STMN1: variants seen among roughly 807,000 people sequenced by gnomAD.
STMN1 encodes the protein stathmin.
Under a neutral mutation model 19.7 loss-of-function variants are expected in STMN1, and 3 were observed. The observed-to-expected ratio is 0.15, with a 90% confidence interval of 0.07 to 0.39. The LOEUF is 0.39. Ranked by LOEUF, STMN1 falls within the 10% of genes least tolerant of loss-of-function variation. STMN1 has a pLI of 1.00. For missense variants in STMN1, 99 were observed against 176.0 expected (o/e 0.56, Z 2.48); for synonymous variants, 59 against 58.9 (o/e 1.00, Z -0.01).
At chr1:25,901,871 G>A (rs1046970135) in intron 3 of STMN1, 189 bp from the exon 4 acceptor site, 23 of 384,438 alleles carry the variant, frequency 6.0e-5, no homozygotes, top group African/African-American at 8.4e-5. Context: ...TTAGCCGGGC[G>A]TGGTGGCGGG....
intron 4 of STMN1, among the ~76,000 whole-genome samples, chr1:25,889,832 G>A (rs912832139): frequency 6.6e-6 from 1 of 152,108 alleles, no homozygotes; most frequent in African/African-American, 2.4e-5. Context: ...GGGTCCCCTT[G>A]CCCACCTCAT....
chr1:25,891,745 C>G (rs904832167), intron 4 of STMN1, among the ~76,000 whole-genome samples: 47 of 152,256 alleles, frequency 3.1e-4, no homozygotes, highest in African/African-American at 1.1e-3. Context: ...GGCTGTGAGC[C>G]CCCTGCTCTC....
Position 25,901,597 on chromosome 1 carries a change from T to C in STMN1, c.272A>G (p.Asn91Ser). 6.2e-7 allele frequency: 1 copy of C among 1,614,222 alleles called. No individual in the cohort carries two copies. The highest frequency in any genetic ancestry group is 8.5e-7 in the Non-Finnish European group (1 of 1,180,020). ...EVLQKAIEEN[N>S]NFSKMAEEKL... ...CTCTTCTGCCATTTTACTGAAGTTG[T>C]TGTTCTCTTCTATTGCCTTCTGAAG... Residue 91 changes from asparagine (N) to serine (S), a missense_variant, in exon 4 of 5, where the codon AAC (asparagine) becomes AGC (serine). By Grantham distance (46) the Asn-to-Ser change is conservative (BLOSUM62 1). Around this residue, in one of 3 missense-constraint regions of STMN1, gnomAD observed 54 missense variants for 79.4 expected, o/e 0.68. Transcript: ENST00000455785.
chr1:25,886,826 T>A (rs1312789732), intron 4 of STMN1, among the ~76,000 whole-genome samples: 1 of 152,100 alleles, frequency 6.6e-6, no homozygotes, highest in Non-Finnish European at 1.5e-5. Flanking sequence ...GAACTCGTGA[T>A]CTGCCTGCCT....
chr1:25,893,131 G>A (rs1192690045), intron 4 of STMN1, among the ~76,000 whole-genome samples: 1 of 152,056 alleles, frequency 6.6e-6, no homozygotes, highest in Admixed American at 6.6e-5. Context: ...ACTACAATTT[G>A]TTTAAATTGA....
intron 1 of STMN1, chr1:25,904,939 GA>G: frequency 2.6e-6 from 1 of 388,930 alleles, no homozygotes; most frequent in South Asian, 7.3e-5. Flanking sequence ...ATTGGTTCCA[GA>G]AAATCAAGTT....
chr1:25,893,038 C>T (rs551259811), intron 4 of STMN1, among the ~76,000 whole-genome samples: 2 of 152,154 alleles, frequency 1.3e-5, no homozygotes, highest in South Asian at 2.1e-4. Context: ...CTAGTGGTTA[C>T]ACAATATTGT....
At chr1:25,905,314 A>G (rs557600497) in intron 1 of STMN1, 1 of 152,382 alleles carries the variant, frequency 6.6e-6, no homozygotes, top group South Asian at 2.1e-4. Flanking sequence ...TATGTCATGA[A>G]AAATGCTGTA....
In STMN1 at chr1:25,900,510, C is replaced by G. The variant is rs1217757672; in HGVS notation, c.*506G>C. The stretch of plus-strand genomic sequence containing the variant: ...AGGCCCCATCTGGAACAAGTATCAA[C>G]CAGGAGGGGCTCTATGGCTTGATTT... On this transcript the variant is annotated 3_prime_UTR_variant, in exon 5 of 5. Transcript: ENST00000455785. 1.0e-6 allele frequency: 1 copy of G among 985,764 alleles called. No homozygotes were observed. Among genetic ancestry groups the G allele is most frequent in the Non-Finnish European group, 1.2e-6 (1 of 830,014 alleles). The allele number at this position is 985,764 out of a possible 1,614,324, so 61.1% of individuals were successfully genotyped here. A position where few individuals can be genotyped will look rare whatever the true frequency, so the allele number is the denominator to read the frequency against.
rs113527425 is a variant in STMN1 at position 25,904,187 on chromosome 1, C to T, written c.14-374G>A. ...TTTTGATTAGGTGGGTGTGGTGGCC[C>T]ATGTCGATAGTCCCAGATGCTATGG... On this transcript the variant is annotated intron_variant, in intron 2 of 4. Coordinates refer to ENST00000455785, the MANE Select transcript of STMN1 (RefSeq NM_005563.4). Among the ~76,000 whole-genome samples, 127 of 152,180 alleles carry T rather than the reference C, an allele frequency of 8.3e-4. 1 individual carries two copies. The highest frequency in any genetic ancestry group is 2.9e-3 in the African/African-American group (122 of 41,526).
chr1:25,904,557 T>C, intron 2 of STMN1, 107 bp downstream of exon 2: 2 of 956,678 alleles, frequency 2.1e-6, no homozygotes, highest in Non-Finnish European at 3.3e-6. Flanking sequence ...AAATAGGTTT[T>C]GGTAAGACCA....
At chr1:25,901,911 G>C (rs554772473) in intron 3 of STMN1, 2 of 315,596 alleles carry the variant, frequency 6.3e-6, no homozygotes, top group Admixed American at 9.9e-5. Flanking sequence ...TTGGGAGGCT[G>C]AGGCAGAAGA....
chr1:25,901,558 T>G lies in STMN1; in HGVS notation c.311A>C (p.Lys104Thr). 2 of 1,614,066 alleles carry G rather than the reference T, an allele frequency of 1.2e-6. No individual in the cohort carries two copies. Among genetic ancestry groups the G allele is most frequent in the Non-Finnish European group, 1.7e-6 (2 of 1,179,974 alleles). Residue 104 changes from lysine to threonine, a missense_variant, in exon 4 of 5, where the codon AAA (lysine) becomes ACA (threonine). By Grantham distance (78) the Lys-to-Thr change is moderately conservative. Coordinates refer to ENST00000455785, the MANE Select transcript of STMN1 (RefSeq NM_005563.4). Reference protein sequence around the residue: ...SKMAEEKLTHKMEANKENREA... With the variant: ...SKMAEEKLTHTMEANKENREA... Reference sequence around the variant, plus strand: ...TCGGTTCTCTTTATTAGCTTCCATTTTGTGGGTCAGTTTCTCTTCTGCCAT... The same window carrying G: ...TCGGTTCTCTTTATTAGCTTCCATTGTGTGGGTCAGTTTCTCTTCTGCCAT...
intron 4 of STMN1, chr1:25,892,380 CTTTT>C (rs35541438): frequency 0.012 from 2,157 of 173,644 alleles, 53 homozygotes; most frequent in African/African-American, 0.059. Context: ...CAGAGCAAGA[CTTTT>C]TTTTTTTTTT....
upstream of STMN1, chr1:25,906,682 G>A (rs2048957626): frequency 6.6e-6 from 1 of 152,528 alleles, no homozygotes; most frequent in Admixed American, 6.5e-5. This position sits in a 1 kb window ranked among gnomAD's most constrained non-coding sequence, Gnocchi z 4.5. Context: ...GTCTCGCCGT[G>A]GAAGAGGGCG....
chr1:25,889,094 C>T, intron 4 of STMN1: 1 of 483,216 alleles, frequency 2.1e-6, no homozygotes, highest in Non-Finnish European at 4.1e-6. Context: ...GGAGGAGAAC[C>T]AAGCTGGGTC....
intron 1 of STMN1, 44 bp from the exon 2 acceptor site, chr1:25,904,782 T>C: frequency 6.6e-7 from 1 of 1,524,452 alleles, no homozygotes; most frequent in Non-Finnish European, 8.9e-7. Context: ...TCTTTGCCTT[T>C]CTATATGTCA....
intron 1 of STMN1, chr1:25,905,434 A>G (rs1300396368): frequency 1.3e-5 from 2 of 152,252 alleles, no homozygotes; most frequent in Non-Finnish European, 2.9e-5. Context: ...GGCAGCGACA[A>G]GATTTAAGAA....
intron 4 of STMN1, among the ~76,000 whole-genome samples, chr1:25,890,472 A>C (rs2048762571): frequency 1.3e-5 from 2 of 152,212 alleles, no homozygotes; most frequent in Non-Finnish European, 2.9e-5. Flanking sequence ...ATTTATCTTA[A>C]ACAGGCTTGT....
Sources: allele counts gnomAD v4.1 joint callset (sites outside exome capture counted in the v4.1 genomes callset), GRCh38; gene constraint gnomAD v4.1.1; regional missense constraint gnomAD v4.1.1; non-coding constraint Gnocchi (gnomAD v3.1); transcripts MANE v1.5; gene names NCBI Gene and HGNC (gene_info 2026-07-23, HGNC 2026-07-21).